Variants in ATP11C observed in about 807,000 individuals in gnomAD.
The protein encoded by ATP11C is phospholipid-transporting ATPase IG.
In ATP11C, 36 loss-of-function variants were observed where a neutral mutation model predicts 97.4. The ratio of observed to expected loss-of-function variants is 0.37; its 90% CI spans 0.28 to 0.49. The LOEUF (loss-of-function observed/expected upper bound fraction) is 0.49. Ranked by LOEUF, ATP11C falls within the 20% of genes least tolerant of loss-of-function variation. The pLI, the probability that ATP11C is intolerant of heterozygous loss-of-function variation, is 0.98. For missense variants in ATP11C, 730 were observed against 824.6 expected, an observed-to-expected ratio of 0.89 and a Z score of 1.40; for synonymous variants, 275 against 290.9, an observed-to-expected ratio of 0.95 and a Z score of 0.56.
chrX:139,833,692 A>T (rs1399729957), intron 1 of ATP11C, among the ~76,000 whole-genome samples: 4 of 109,430 alleles, frequency 3.7e-5, no homozygotes, highest in Non-Finnish European at 5.7e-5. Flanking sequence ...CCATCTCTTT[A>T]AAAAAAAACA....
At chrX:139,913,728 C>T (rs1364599914) in intron 1 of ATP11C, among the ~76,000 whole-genome samples, 1 of 111,330 alleles carries the variant, frequency 9.0e-6, no homozygotes, top group African/African-American at 3.3e-5. Flanking sequence ...CAGTCCCACC[C>T]CTATCTCCCT....
At chrX:139,920,325 C>G (rs2085237161) in intron 1 of ATP11C, among the ~76,000 whole-genome samples, 1 of 107,043 alleles carries the variant, frequency 9.3e-6, no homozygotes, top group Non-Finnish European at 1.9e-5. Context: ...CCACTGCACT[C>G]CAGCCTGGGT....
chrX:139,811,696 A>C lies in ATP11C; in HGVS notation c.426+3182T>G, dbSNP rs147780936. 2.6e-3 allele frequency among the ~76,000 whole-genome samples: 285 copies of C among 111,198 alleles called. 2 individuals carry two copies. The highest frequency in any genetic ancestry group is 7.5e-3 in the African/African-American group (230 of 30,579). On this transcript the variant is annotated intron_variant, in intron 5 of 29. Transcript: ENST00000682941. ...AACAGGTAGTAAAGAGTTGTGGTTA[A>C]GAGCATGGACTCTACACCTAGGCTT... is the stretch of plus-strand genomic sequence containing the variant.
intron 1 of ATP11C, among the ~76,000 whole-genome samples, chrX:139,838,206 T>C (rs1190765259): frequency 8.9e-6 from 1 of 112,061 alleles, no homozygotes; most frequent in Non-Finnish European, 1.9e-5. Flanking sequence ...TGCAGGTCTA[T>C]CTCAGAAAGC....
chrX:139,853,295 G>C (rs2084031297), intron 1 of ATP11C, among the ~76,000 whole-genome samples: 1 of 108,877 alleles, frequency 9.2e-6, no homozygotes, highest in African/African-American at 3.4e-5. Context: ...CAGAGACAGA[G>C]ACAGAAAGAG....
chrX:139,758,951 G>A (rs1032755362), intron 22 of ATP11C, among the ~76,000 whole-genome samples: 1 of 112,315 alleles, frequency 8.9e-6, no homozygotes, highest in African/African-American at 3.2e-5. Context: ...TGGCTCTGGA[G>A]GATGTTTCTA....
chrX:139,756,225 G>A (rs111714365), intron 23 of ATP11C, among the ~76,000 whole-genome samples: 26 of 111,978 alleles, frequency 2.3e-4, no homozygotes, highest in African/African-American at 8.1e-4. Context: ...ATGAAAAAAC[G>A]CTCAACATCA....
intron 24 of ATP11C, among the ~76,000 whole-genome samples, chrX:139,746,855 T>C (rs2081697363): frequency 1.8e-5 from 2 of 111,987 alleles, no homozygotes; most frequent in Admixed American, 1.9e-4. Flanking sequence ...TAATAAATGA[T>C]ATCTAATTAC....
At position 139,896,619 on chromosome X, in the gene ATP11C, G is replaced by GTCTC. The variant is rs202000678; in HGVS notation, c.27+35393_27+35396dup. On this transcript the variant is annotated intron_variant, in intron 1 of 29. Transcript: ENST00000682941. ...CTTTTTTTCCCTTTCTTGAGAAAGA[G>GTCTC]TCTCTCTCTCTCTCTCTCTCTCTCT... Among the ~76,000 whole-genome samples, 457 of 90,890 alleles carry GTCTC rather than the reference G, an allele frequency of 5.0e-3. 11 individuals are homozygous for GTCTC. Among genetic ancestry groups the GTCTC allele is most frequent in the East Asian group, 0.05 (139 of 2,799 alleles). The allele number at this position is 90,890 out of a possible 115,157, so 78.9% of individuals were successfully genotyped here. A position where few individuals can be genotyped will look rare whatever the true frequency, so the allele number is the denominator to read the frequency against.
At chrX:139,787,122 A>G in intron 15 of ATP11C, 51 bp downstream of exon 15, 1 of 1,202,944 alleles carries the variant, frequency 8.3e-7, no homozygotes. Context: ...ATCCACTTAA[A>G]TTTGACTATG....
chrX:139,826,018 C>T (rs762755466), intron 2 of ATP11C, among the ~76,000 whole-genome samples: 35 of 112,034 alleles, frequency 3.1e-4, no homozygotes, highest in Admixed American at 3.0e-3. Flanking sequence ...AGAATCGGGG[C>T]GATTAATTTG....
chrX:139,829,298 C>T (rs959853915), intron 1 of ATP11C, among the ~76,000 whole-genome samples: 2 of 111,610 alleles, frequency 1.8e-5, no homozygotes, highest in Admixed American at 9.5e-5. Context: ...ACCCTAAAAG[C>T]TGATGAAACT....
chrX:139,774,676 A>G lies in ATP11C; in HGVS notation c.2216+14T>C. 4.2e-6 allele frequency: 5 copies of G among 1,186,917 alleles called. No homozygotes were observed. The highest frequency in any genetic ancestry group is 4.6e-6 in the Non-Finnish European group (4 of 877,085). On this transcript the variant is annotated intron_variant, in intron 19 of 29. Transcript: ENST00000682941. ...ACCAATGTCTAAATATAAGAAACTG[A>G]TGTACTTTCTTACTTTTTAAAGCTT...
In ATP11C at chrX:139,860,054, G is replaced by A. The variant is rs1297870146; in HGVS notation, c.28-33231C>T. Among the ~76,000 whole-genome samples, 2 of 87,238 alleles carry A rather than the reference G, an allele frequency of 2.3e-5. 1 individual carries two copies. The highest frequency in any genetic ancestry group is 4.1e-5 in the Non-Finnish European group (2 of 48,828). 75.8% of individuals were successfully genotyped at this position (87,238 alleles called of 115,157 possible). A position where few individuals can be genotyped will look rare whatever the true frequency, so the allele number is the denominator to read the frequency against. ...CGGGAGGCGGAGCTTGCAGTGAGCC[G>A]AGATCCCGCCACTGCACTCCAGCCT... is the stretch of plus-strand genomic sequence containing the variant. On this transcript the variant is annotated intron_variant, in intron 1 of 29. Coordinates refer to ENST00000682941, the MANE Select transcript of ATP11C (RefSeq NM_001353812.2).
At chrX:139,871,998 T>G (rs2084384581) in intron 1 of ATP11C, among the ~76,000 whole-genome samples, 1 of 111,417 alleles carries the variant, frequency 9.0e-6, no homozygotes, top group African/African-American at 3.3e-5. Flanking sequence ...CTACTGATTT[T>G]ATCATTAGGT....
chrX:139,851,734 G>A (rs2497272), intron 1 of ATP11C, among the ~76,000 whole-genome samples: 5,947 of 111,732 alleles, frequency 0.053, 386 homozygotes, highest in African/African-American at 0.18. Flanking sequence ...GTGTACCCAG[G>A]ATGCAGGATA....
chrX:139,812,191 G>C (rs185280809), intron 5 of ATP11C, among the ~76,000 whole-genome samples: 15 of 111,870 alleles, frequency 1.3e-4, no homozygotes, highest in African/African-American at 4.6e-4. Context: ...CTGCTATTTA[G>C]AGACTGCTGG....
chrX:139,745,869 TG>T lies in ATP11C; in HGVS notation c.2829-13del, dbSNP rs2081672059. On this transcript the variant is annotated splice_polypyrimidine_tract_variant and intron_variant, in intron 24 of 29. Coordinates refer to ENST00000682941, the MANE Select transcript of ATP11C (RefSeq NM_001353812.2). The stretch of plus-strand genomic sequence containing the variant: ...TGCCAGAAATTTTCCTATTGAGAAA[TG>T]GGGGGAAAAAACCATTAGTGAAACT... 3 of 1,188,248 alleles carry T rather than the reference TG, an allele frequency of 2.5e-6. No individual in the cohort carries two copies. The highest frequency in any genetic ancestry group is 3.6e-5 in the African/African-American group (2 of 55,761).
intron 1 of ATP11C, among the ~76,000 whole-genome samples, chrX:139,920,552 C>T (rs1432860257): frequency 1.8e-5 from 2 of 111,030 alleles, no homozygotes; most frequent in Non-Finnish European, 3.8e-5. Flanking sequence ...TAAGAGCTAA[C>T]GGATGGGGTT....
Sources: allele counts gnomAD v4.1 joint callset (sites outside exome capture counted in the v4.1 genomes callset), GRCh38; gene constraint gnomAD v4.1.1; transcripts MANE v1.5; gene names NCBI Gene and HGNC (gene_info 2026-07-23, HGNC 2026-07-21).